SMARCAD1: variants seen among roughly 807,000 people sequenced by gnomAD.
SMARCAD1 encodes the protein SWI/SNF-related matrix-associated actin-dependent regulator of chromatin subfamily A containing DEAD/H box 1.
In SMARCAD1, 25 loss-of-function variants were observed where a neutral mutation model predicts 127.1. The observed-to-expected ratio is 0.20, with a 90% CI of 0.14 to 0.27. The LOEUF is 0.27. Among genes scored for constraint, SMARCAD1 ranks in the 10% least tolerant of loss-of-function variants. The pLI is 1.00. For missense variants in SMARCAD1, 807 were observed against 1,206.0 expected, an observed-to-expected ratio of 0.67 and a Z score of 4.90; for synonymous variants, 400 against 396.9, an observed-to-expected ratio of 1.01 and a Z score of -0.09.
At chr4:94,273,511 A>G (rs917941723) in intron 11 of SMARCAD1, 106 bp from the exon 12 acceptor site, 1 of 819,508 alleles carries the variant, frequency 1.2e-6, no homozygotes, top group Non-Finnish European at 2.0e-6. Flanking sequence ...ATTCTGGGAA[A>G]TCAAAAGTGA....
chr4:94,219,859 C>T (rs1283507676), intron 2 of SMARCAD1, among the ~76,000 whole-genome samples: 1 of 152,160 alleles, frequency 6.6e-6, no homozygotes, highest in Non-Finnish European at 1.5e-5. Context: ...TGAACTGTAA[C>T]TTGCCATTAT....
chr4:94,284,149 G>A (rs1345789018), intron 22 of SMARCAD1, among the ~76,000 whole-genome samples: 13 of 146,280 alleles, frequency 8.9e-5, no homozygotes, highest in Non-Finnish European at 1.5e-4. Context: ...GTGAAACCCC[G>A]TCTCTACTAA....
chr4:94,215,211 C>T (rs1578998018), intron 2 of SMARCAD1, among the ~76,000 whole-genome samples: 1 of 152,222 alleles, frequency 6.6e-6, no homozygotes, highest in Middle Eastern at 3.4e-3. Flanking sequence ...TTCTTAATGT[C>T]TGTTAATGTT....
intron 2 of SMARCAD1, among the ~76,000 whole-genome samples, chr4:94,209,395 GT>G (rs1426732827): frequency 6.6e-6 from 1 of 152,208 alleles, no homozygotes; most frequent in Non-Finnish European, 1.5e-5. Context: ...AGTCCTGGCA[GT>G]ATGATTCCTG....
chr4:94,281,906 G>A (rs1754084239), intron 21 of SMARCAD1, among the ~76,000 whole-genome samples: 2 of 151,438 alleles, frequency 1.3e-5, no homozygotes, highest in South Asian at 4.2e-4. Flanking sequence ...GCCAGGTGTG[G>A]TGGTGCACGC....
chr4:94,285,203 G>A (rs999338806), intron 23 of SMARCAD1, 134 bp downstream of exon 23: 5 of 550,354 alleles, frequency 9.1e-6, no homozygotes, highest in African/African-American at 7.6e-5. Context: ...TGTGGGAGAA[G>A]GTAAGCATGT....
At chr4:94,238,613 AAAAGAAAGAAAG>A (rs564244248) in intron 5 of SMARCAD1, among the ~76,000 whole-genome samples, 4 of 151,760 alleles carry the variant, frequency 2.6e-5, no homozygotes, top group Non-Finnish European at 5.9e-5. Flanking sequence ...ACCCTGTCTC[AAAAGAAAGAAAG>A]AAAGAAAGAA....
intron 6 of SMARCAD1, among the ~76,000 whole-genome samples, chr4:94,241,490 G>A (rs1441421924): frequency 2.6e-5 from 4 of 152,092 alleles, no homozygotes; most frequent in Non-Finnish European, 5.9e-5. Context: ...TCTCACTGAT[G>A]ACCCTGTCTC....
intron 4 of SMARCAD1, among the ~76,000 whole-genome samples, chr4:94,236,614 G>C (rs946400955): frequency 3.3e-5 from 5 of 152,094 alleles, no homozygotes; most frequent in African/African-American, 1.2e-4. Context: ...CACAGGCACG[G>C]AGTGGCCTGG....
chr4:94,265,183 T>C (rs1386329307), intron 10 of SMARCAD1, among the ~76,000 whole-genome samples: 1 of 151,932 alleles, frequency 6.6e-6, no homozygotes, highest in Admixed American at 6.6e-5. Flanking sequence ...TAACAGGTAA[T>C]TGTTTATATA....
At chr4:94,253,122 T>C in intron 9 of SMARCAD1, 115 bp downstream of exon 9, 1 of 1,559,046 alleles carries the variant, frequency 6.4e-7, no homozygotes, top group Non-Finnish European at 8.7e-7. Flanking sequence ...CCTTATCCTG[T>C]GTAAAGTCAA....
intron 10 of SMARCAD1, among the ~76,000 whole-genome samples, chr4:94,267,732 C>A (rs897227429): frequency 2.0e-5 from 3 of 151,954 alleles, no homozygotes; most frequent in African/African-American, 7.3e-5. Flanking sequence ...GATAAAAAAT[C>A]TTCAGTTCAG....
intron 2 of SMARCAD1, among the ~76,000 whole-genome samples, chr4:94,221,699 G>T (rs1298994045): frequency 6.6e-6 from 1 of 152,094 alleles, no homozygotes; most frequent in African/African-American, 2.4e-5. Flanking sequence ...ATGTTGTAGG[G>T]GAGCCAGAGA....
chr4:94,244,813 A>G (rs934140926), intron 6 of SMARCAD1, among the ~76,000 whole-genome samples: 3 of 152,088 alleles, frequency 2.0e-5, no homozygotes, highest in African/African-American at 4.8e-5. Flanking sequence ...CTCTCTCTCT[A>G]CAAAAGCAGA....
At chr4:94,254,064 C>T (rs1413153180) in intron 9 of SMARCAD1, among the ~76,000 whole-genome samples, 1 of 152,034 alleles carries the variant, frequency 6.6e-6, no homozygotes, top group Non-Finnish European at 1.5e-5. Flanking sequence ...GGGAGAGTCC[C>T]TGAACAATGG....
rs1460105069 is a variant in SMARCAD1, at chr4:94,276,019, G to C, written c.1809-320G>C. Among the ~76,000 whole-genome samples the C allele has an allele frequency of 2.0e-5, 3 of 151,808 alleles. No individual in the cohort carries two copies. The East Asian group carries it at 5.8e-4, about 29-fold the overall frequency. ...TCACCGTGTTAGCCAGGATGGTCTC[G>C]ATCTTCTGACCTCGTGATCCGCCCG... On this transcript the variant is annotated intron_variant, in intron 14 of 23. Transcript: ENST00000354268.
chr4:94,240,526 G>A (rs373423601), intron 5 of SMARCAD1, among the ~76,000 whole-genome samples: 3 of 152,258 alleles, frequency 2.0e-5, no homozygotes, highest in Non-Finnish European at 4.4e-5. Context: ...GAAATTGCTG[G>A]TTTCTGTGAT....
At chr4:94,237,890 G>T (rs918083549) in intron 5 of SMARCAD1, among the ~76,000 whole-genome samples, 1 of 152,038 alleles carries the variant, frequency 6.6e-6, no homozygotes, top group Non-Finnish European at 1.5e-5. Context: ...TTCAAACTAG[G>T]ATGTTCAAGC....
Position 94,233,859 on chromosome 4 carries a change from AG to A in SMARCAD1, c.369-94del, listed in dbSNP as rs1222132425. 8 of 1,250,286 alleles carry A rather than the reference AG, an allele frequency of 6.4e-6. No homozygotes were observed. The East Asian group carries it at 1.5e-4, about 23-fold the overall frequency. The allele number at this position is 1,250,286 out of a possible 1,614,324, so 77.4% of individuals were successfully genotyped here. A position where few individuals can be genotyped will look rare whatever the true frequency, so the allele number is the denominator to read the frequency against. The stretch of plus-strand genomic sequence containing the variant: ...TGCATTTACTATTGAAAAGAACTGC[AG>A]ATGTGTTGTACTATGTATACACATA... On this transcript the variant is annotated intron_variant, in intron 3 of 23. Coordinates refer to ENST00000354268, the MANE Select transcript of SMARCAD1 (RefSeq NM_020159.5).
Sources: allele counts gnomAD v4.1 joint callset (sites outside exome capture counted in the v4.1 genomes callset), GRCh38; gene constraint gnomAD v4.1.1; transcripts MANE v1.5; gene names NCBI Gene and HGNC (gene_info 2026-07-23, HGNC 2026-07-21).